The following ZNF804B variants were observed in gnomAD, a reference collection of about 807,000 sequenced individuals.
The protein encoded by ZNF804B is zinc finger 804B.
ZNF804B carries 80 observed loss-of-function variants against 101.4 expected under a neutral mutation model. That is an observed-to-expected ratio of 0.79 (90% CI 0.66 to 0.95). The LOEUF is 0.95. ZNF804B is among the 40% of genes least tolerant of loss of function. The probability of loss-of-function intolerance (pLI) is 0.00; values close to 1 mark genes in which losing one functional copy is unlikely to be tolerated. For synonymous variants in ZNF804B, 622 were observed against 558.8 expected (o/e 1.11, Z -1.59); for missense variants, 1,673 against 1,561.9 (o/e 1.07, Z -1.20).
Position 89,046,467 on chromosome 7 carries a change from T to C in ZNF804B, c.109-171688T>C, listed in dbSNP as rs1445722356. Among the ~76,000 whole-genome samples the C allele has an allele frequency of 3.3e-5, 5 of 152,144 alleles. No homozygotes were observed. The East Asian group carries it at 9.6e-4, about 29-fold the overall frequency. ...AAATGAAATTATAAACAAAAAAGTT[T>C]GTAACTTAAAGTCTGAACAAAAGGG... On this transcript the variant is annotated intron_variant, in intron 1 of 3. Transcript: ENST00000333190.
intron 1 of ZNF804B, among the ~76,000 whole-genome samples, chr7:89,064,910 G>T (rs1789435697): frequency 6.6e-6 from 1 of 152,108 alleles, no homozygotes; most frequent in Non-Finnish European, 1.5e-5. Flanking sequence ...ATCGAGAAAG[G>T]CAAGAATCAG....
chr7:89,305,618 G>T (rs1282105727), intron 2 of ZNF804B, among the ~76,000 whole-genome samples: 1 of 151,800 alleles, frequency 6.6e-6, no homozygotes, highest in Non-Finnish European at 1.5e-5. Context: ...AAATATTCTG[G>T]ATAGTTTCCA....
chr7:89,277,593 T>C (rs1790008282), intron 2 of ZNF804B, among the ~76,000 whole-genome samples: 1 of 149,376 alleles, frequency 6.7e-6, no homozygotes, highest in East Asian at 2.0e-4. Context: ...AGTGAGAATA[T>C]GCGGTGTTTG....
At chr7:89,197,451 T>C (rs1384838279) in intron 1 of ZNF804B, among the ~76,000 whole-genome samples, 2 of 151,898 alleles carry the variant, frequency 1.3e-5, no homozygotes, top group Non-Finnish European at 2.9e-5. Context: ...CTTTTGCAAA[T>C]TGTCTTCCAC....
At chr7:88,926,594 TGAGA>T (rs1223813534) in intron 1 of ZNF804B, among the ~76,000 whole-genome samples, 2 of 151,816 alleles carry the variant, frequency 1.3e-5, no homozygotes, top group East Asian at 3.9e-4. Context: ...GGTGACAGAG[TGAGA>T]CTCCATCTCA....
chr7:88,939,003 T>G (rs976512126), intron 1 of ZNF804B, among the ~76,000 whole-genome samples: 1 of 152,072 alleles, frequency 6.6e-6, no homozygotes, highest in Non-Finnish European at 1.5e-5. Flanking sequence ...ATATACTGAC[T>G]AGTTTTGAGT....
intron 1 of ZNF804B, among the ~76,000 whole-genome samples, chr7:88,823,692 C>A (rs755524471): frequency 2.0e-4 from 31 of 152,022 alleles, no homozygotes; most frequent in Non-Finnish European, 2.6e-4. Flanking sequence ...GAGCATGTGG[C>A]AAATTGTAAA....
intron 2 of ZNF804B, among the ~76,000 whole-genome samples, chr7:89,295,861 A>G (rs1285247723): frequency 6.6e-6 from 1 of 152,136 alleles, no homozygotes; most frequent in African/African-American, 2.4e-5. Flanking sequence ...AGCAATGTGG[A>G]TGGAGCTGGA....
chr7:89,010,898 C>T (rs999781817), intron 1 of ZNF804B, among the ~76,000 whole-genome samples: 1 of 152,096 alleles, frequency 6.6e-6, no homozygotes, highest in Non-Finnish European at 1.5e-5. Flanking sequence ...AGGAAAAGTC[C>T]ACAATGTTCT....
At chr7:89,124,859 T>A (rs547776664) in intron 1 of ZNF804B, among the ~76,000 whole-genome samples, 1 of 151,488 alleles carries the variant, frequency 6.6e-6, no homozygotes, top group Non-Finnish European at 1.5e-5. Context: ...ATATTGGGAG[T>A]AGTCTCAGGT....
intron 1 of ZNF804B, among the ~76,000 whole-genome samples, chr7:88,993,130 A>T (rs1327228904): frequency 6.6e-6 from 1 of 152,026 alleles, no homozygotes; most frequent in Non-Finnish European, 1.5e-5. Flanking sequence ...TGCTTTATCC[A>T]TTATGAAATC....
At chr7:88,813,194 T>G (rs557855773) in intron 1 of ZNF804B, among the ~76,000 whole-genome samples, 1 of 152,170 alleles carries the variant, frequency 6.6e-6, no homozygotes, top group Non-Finnish European at 1.5e-5. Context: ...TTGGGATGCT[T>G]AGGCGGTTGG....
intron 3 of ZNF804B, among the ~76,000 whole-genome samples, chr7:89,330,370 A>G (rs1721757): frequency 0.13 from 19,618 of 151,602 alleles, 2,403 homozygotes; most frequent in East Asian, 0.68. Flanking sequence ...GAGTGAATCT[A>G]GTGCCCTTAT....
At chr7:88,829,685 A>G (rs527941711) in intron 1 of ZNF804B, among the ~76,000 whole-genome samples, 1 of 152,270 alleles carries the variant, frequency 6.6e-6, no homozygotes, top group East Asian at 1.9e-4. Context: ...TGTGATTTGT[A>G]TTTATGTGCT....
intron 1 of ZNF804B, among the ~76,000 whole-genome samples, chr7:89,001,776 T>C (rs570878765): frequency 1.3e-5 from 2 of 152,024 alleles, no homozygotes; most frequent in South Asian, 4.1e-4. Context: ...GTATTGAGAA[T>C]TGAAATGCCT....
chr7:89,333,596 A>G lies in ZNF804B; in HGVS notation c.614A>G (p.Gln205Arg). The G allele has an allele frequency of 6.2e-7, 1 of 1,613,690 alleles. No homozygotes were observed. The highest frequency in any genetic ancestry group is 8.5e-7 in the Non-Finnish European group (1 of 1,179,752). The change falls in exon 4 of 4, where the codon CAA (glutamine) becomes CGA (arginine). Residue 205 changes from glutamine to arginine, a missense_variant. Transcript: ENST00000333190. ...TGTTTGTTTGGAAATCAGGTACTGC[A>G]AACATCTTCAGATCTCAGCAATGCA... is the stretch of plus-strand genomic sequence containing the variant. ...RRCLFGNQVL[Q>R]TSSDLSNANH...
chr7:88,940,505 C>G (rs1247708997), intron 1 of ZNF804B, among the ~76,000 whole-genome samples: 1 of 151,810 alleles, frequency 6.6e-6, no homozygotes, highest in African/African-American at 2.4e-5. Context: ...GGTGTGGTGG[C>G]TCACGCCTAT....
At chr7:89,041,463 CA>C (rs1371513417) in intron 1 of ZNF804B, among the ~76,000 whole-genome samples, 4 of 152,134 alleles carry the variant, frequency 2.6e-5, no homozygotes, top group Non-Finnish European at 4.4e-5. Flanking sequence ...CTGCAAGTGC[CA>C]GCCTGGAGCC....
At chr7:88,908,525 T>C (rs1792504090) in intron 1 of ZNF804B, among the ~76,000 whole-genome samples, 1 of 151,876 alleles carries the variant, frequency 6.6e-6, no homozygotes, top group Non-Finnish European at 1.5e-5. Context: ...TACTTCTACC[T>C]TCGTTTACAT....
Sources: allele counts gnomAD v4.1 joint callset (sites outside exome capture counted in the v4.1 genomes callset), GRCh38; gene constraint gnomAD v4.1.1; transcripts MANE v1.5; gene names NCBI Gene and HGNC (gene_info 2026-07-23, HGNC 2026-07-21).